Variants in CASR observed in about 807,000 individuals in gnomAD.
CASR encodes extracellular calcium-sensing receptor.
CASR carries 23 observed loss-of-function variants against 69.1 expected under a neutral mutation model. The observed-to-expected ratio is 0.33, with a 90% CI of 0.24 to 0.47. The LOEUF is 0.47. Among genes scored for constraint, CASR ranks in the 20% least tolerant of loss-of-function variants. CASR has a pLI of 1.00. For missense variants in CASR, 924 were observed against 1,356.1 expected (o/e 0.68, Z 5.00); for synonymous variants, 541 against 544.7 (o/e 0.99, Z 0.10).
At chr3:122,245,151 T>A (rs1401316719) in intron 1 of CASR, among the ~76,000 whole-genome samples, 1 of 152,222 alleles carries the variant, frequency 6.6e-6, no homozygotes, top group Non-Finnish European at 1.5e-5. Flanking sequence ...TTTTAAATTA[T>A]CTCTAGATTA....
At chr3:122,252,862 A>G (rs884086) in intron 1 of CASR, among the ~76,000 whole-genome samples, 1,873 of 152,336 alleles carry the variant, frequency 0.012, 105 homozygotes, top group Admixed American at 0.098. Context: ...TTGGCAGTCC[A>G]GTGCTTGGCC....
chr3:122,245,830 G>A (rs1056302842), intron 1 of CASR, among the ~76,000 whole-genome samples: 7 of 152,168 alleles, frequency 4.6e-5, no homozygotes, highest in African/African-American at 1.4e-4. Context: ...GTGCACCTGC[G>A]GTCCAATTAA....
intron 1 of CASR, among the ~76,000 whole-genome samples, chr3:122,195,995 G>A (rs1046352415): frequency 6.6e-5 from 10 of 152,012 alleles, no homozygotes; most frequent in Non-Finnish European, 1.5e-4. Context: ...GGAAATAATC[G>A]TTGATATGTT....
intron 4 of CASR, among the ~76,000 whole-genome samples, chr3:122,267,414 A>T (rs2074707188): frequency 1.3e-5 from 2 of 152,188 alleles, no homozygotes; most frequent in Admixed American, 1.3e-4. Flanking sequence ...TCAGGTTAGG[A>T]TTTGAAGTAA....
intron 4 of CASR, among the ~76,000 whole-genome samples, chr3:122,267,957 AC>A (rs1432543971): frequency 6.6e-6 from 1 of 152,162 alleles, no homozygotes; most frequent in Non-Finnish European, 1.5e-5. Context: ...TACATTTTAT[AC>A]CAGTTAACCT....
chr3:122,275,747 C>T, intron 4 of CASR, 65 bp from the exon 5 acceptor site: 1 of 1,048,348 alleles, frequency 9.5e-7, no homozygotes, highest in South Asian at 1.3e-5. Context: ...GTGCAGGGCA[C>T]AGCCTACCTA....
At chr3:122,252,344 G>GAAGAAAGAAAGA (rs756437138) in intron 1 of CASR, among the ~76,000 whole-genome samples, 15 of 48,228 alleles carry the variant, frequency 3.1e-4, no homozygotes, top group African/African-American at 6.9e-4. Context: ...GAGAAAGAAA[G>GAAGAAAGAAAGA]AAGAAAGAAA....
At chr3:122,266,518 C>T (rs1183349064) in intron 4 of CASR, among the ~76,000 whole-genome samples, 3 of 151,972 alleles carry the variant, frequency 2.0e-5, no homozygotes, top group Admixed American at 6.6e-5. Context: ...CAAACTCCGC[C>T]TCCCAGGTTC....
At position 122,291,191 on chromosome 3, in the gene CASR, T is replaced by C. The variant is rs1400008910; in HGVS notation, c.*6000T>C. 2 of 150,946 alleles carry C rather than the reference T, an allele frequency of 1.3e-5. No individual in the cohort carries two copies. The highest frequency in any genetic ancestry group is 6.6e-5 in the Admixed American group (1 of 15,114). 9.4% of individuals were successfully genotyped at this position (150,946 alleles called of 1,614,324 possible). ...TGTGAATAGTGCCACAATAAACATA[T>C]GTGTGCATGTGTCTTTATAGCAGCA... On this transcript the variant is annotated 3_prime_UTR_variant, in exon 7 of 7. Transcript: ENST00000639785.
At chr3:122,214,174 T>G (rs982848280) in intron 1 of CASR, among the ~76,000 whole-genome samples, 1 of 152,220 alleles carries the variant, frequency 6.6e-6, no homozygotes, top group Non-Finnish European at 1.5e-5. Flanking sequence ...CTGATTTCTT[T>G]TTTTCTACAT....
intron 1 of CASR, among the ~76,000 whole-genome samples, chr3:122,209,198 C>T (rs112959356): frequency 3.9e-5 from 6 of 152,246 alleles, no homozygotes; most frequent in African/African-American, 1.4e-4. Context: ...CTAGAGTCCA[C>T]ACTTTGAAGA....
chr3:122,221,266 A>G (rs1490906860), intron 1 of CASR, among the ~76,000 whole-genome samples: 3 of 152,186 alleles, frequency 2.0e-5, no homozygotes, highest in African/African-American at 4.8e-5. Context: ...TAAGATTACC[A>G]TTCATTTTCT....
rs192790171 is a variant in CASR, at chr3:122,194,231, G to A, written c.-243+10419G>A. ...ACATGAAGTGTCCCCAAATATACTC[G>A]CACAGCCCACACTCAGCTGCATCTG... On this transcript the variant is annotated intron_variant, in intron 1 of 6. Transcript: ENST00000639785. Among the ~76,000 whole-genome samples the A allele has an allele frequency of 1.6e-4, 24 of 152,020 alleles. No individual in the cohort carries two copies. The East Asian group carries it at 1.9e-3, about 12-fold the overall frequency.
chr3:122,216,980 T>C (rs2074123198), intron 1 of CASR, among the ~76,000 whole-genome samples: 3 of 152,218 alleles, frequency 2.0e-5, no homozygotes, highest in Non-Finnish European at 4.4e-5. Flanking sequence ...GAACATACAG[T>C]GGTGAACTAC....
chr3:122,276,186 G>A, intron 5 of CASR, 144 bp downstream of exon 5: 1 of 694,594 alleles, frequency 1.4e-6, no homozygotes, highest in Non-Finnish European at 2.6e-6. Context: ...GCAATCTTGG[G>A]GCTCCCTGTG....
At chr3:122,245,637 TA>T (rs1178763108) in intron 1 of CASR, among the ~76,000 whole-genome samples, 8 of 145,052 alleles carry the variant, frequency 5.5e-5, no homozygotes, top group Admixed American at 6.9e-5. Flanking sequence ...AGTATAATAA[TA>T]AAAAAAAAAG....
intron 4 of CASR, among the ~76,000 whole-genome samples, chr3:122,263,939 A>G (rs1273260723): frequency 1.3e-5 from 2 of 152,120 alleles, no homozygotes; most frequent in Non-Finnish European, 2.9e-5. Context: ...CTTACCTCTC[A>G]CGTCCAATGC....
In CASR at chr3:122,230,875, G is replaced by C. The variant is rs1163203396; in HGVS notation, c.-242-23073G>C. On this transcript the variant is annotated intron_variant, in intron 1 of 6. Coordinates refer to ENST00000639785, the MANE Select transcript of CASR (RefSeq NM_000388.4). ...CCTCCACTAGACTTCTTCAGCCAAA[G>C]GGGGTTTCTCTTTTTTTAGTTTCTT... Among the ~76,000 whole-genome samples, 6 of 152,178 alleles carry C rather than the reference G, an allele frequency of 3.9e-5. No homozygotes were observed. The East Asian group carries it at 1.2e-3, about 29-fold the overall frequency.
intron 5 of CASR, among the ~76,000 whole-genome samples, chr3:122,280,924 A>G (rs769077285): frequency 6.6e-6 from 1 of 152,240 alleles, no homozygotes; most frequent in Admixed American, 6.5e-5. Flanking sequence ...CCTCTAAGAT[A>G]CATATGCTGT....
Sources: allele counts gnomAD v4.1 joint callset (sites outside exome capture counted in the v4.1 genomes callset), GRCh38; gene constraint gnomAD v4.1.1; transcripts MANE v1.5; gene names NCBI Gene and HGNC (gene_info 2026-07-23, HGNC 2026-07-21).